Variants in UBE2K observed in about 807,000 individuals in gnomAD.
The protein encoded by UBE2K is ubiquitin-conjugating enzyme E2 K.
In UBE2K, 6 loss-of-function variants were observed where a neutral mutation model predicts 30.0. That is an observed-to-expected ratio of 0.20 (90% confidence interval 0.11 to 0.39). The LOEUF (loss-of-function observed/expected upper bound fraction) is 0.39, where lower values mean the gene tolerates loss of function less well. Ranked by LOEUF, UBE2K falls within the 10% of genes least tolerant of loss-of-function variation. The probability of loss-of-function intolerance (pLI) is 1.00; values close to 1 mark genes in which losing one functional copy is unlikely to be tolerated. For synonymous variants in UBE2K, 86 were observed against 83.7 expected (o/e 1.03, Z -0.15); for missense variants, 61 against 241.6 (o/e 0.25, Z 4.96).
chr4:39,773,224 T>C (rs527940456), intron 4 of UBE2K, among the ~76,000 whole-genome samples: 157 of 147,356 alleles, frequency 1.1e-3, no homozygotes, highest in African/African-American at 3.1e-3. Context: ...AATCCCAGCA[T>C]TTTGGGAGGC....
intron 1 of UBE2K, among the ~76,000 whole-genome samples, chr4:39,720,753 T>G (rs1415760599): frequency 6.6e-6 from 1 of 152,214 alleles, no homozygotes; most frequent in African/African-American, 2.4e-5. Flanking sequence ...TATATGTTTT[T>G]ATTTATTAGA....
intron 2 of UBE2K, among the ~76,000 whole-genome samples, chr4:39,742,862 A>G (rs1256134204): frequency 2.0e-5 from 3 of 152,172 alleles, no homozygotes; most frequent in Non-Finnish European, 4.4e-5. Flanking sequence ...CCTGACCAAC[A>G]TGGTGAAACC....
chr4:39,768,157 G>A (rs148937776), intron 4 of UBE2K, among the ~76,000 whole-genome samples: 7 of 151,894 alleles, frequency 4.6e-5, no homozygotes, highest in Non-Finnish European at 8.8e-5. Flanking sequence ...CTAGAAAGAC[G>A]GGCCATTGCG....
rs112944638 is a variant in UBE2K at position 39,773,676 on chromosome 4, C to G, written c.300-1158C>G. Among the ~76,000 whole-genome samples, 1,109 of 151,622 alleles carry G rather than the reference C, an allele frequency of 7.3e-3. 16 individuals carry two copies. Among genetic ancestry groups the G allele is most frequent in the African/African-American group, 0.025 (1,041 of 41,304 alleles). On this transcript the variant is annotated intron_variant, in intron 4 of 6. Transcript: ENST00000261427. ...GTGGCTCACGCCTGTAATCCCAGCA[C>G]TTTGGGAGGCCGAGGCGGGCGGATC...
intron 4 of UBE2K, among the ~76,000 whole-genome samples, chr4:39,758,656 C>T (rs527714624): frequency 3.8e-4 from 58 of 151,004 alleles, no homozygotes; most frequent in Non-Finnish European, 6.8e-4. Context: ...CTAGCCTGGG[C>T]GACGGAGTGA....
intron 1 of UBE2K, among the ~76,000 whole-genome samples, chr4:39,735,086 A>G (rs1303260274): frequency 6.6e-6 from 1 of 152,266 alleles, no homozygotes; most frequent in Non-Finnish European, 1.5e-5. Flanking sequence ...TATTCCTGTA[A>G]GAAGCCTTAA....
intron 3 of UBE2K, among the ~76,000 whole-genome samples, chr4:39,746,119 CAT>C (rs1370377834): frequency 6.6e-6 from 1 of 152,006 alleles, no homozygotes; most frequent in Non-Finnish European, 1.5e-5. Flanking sequence ...CCCTTTTACA[CAT>C]AGACAGAGGT....
At chr4:39,769,392 C>T (rs1282943865) in intron 4 of UBE2K, among the ~76,000 whole-genome samples, 3 of 151,280 alleles carry the variant, frequency 2.0e-5, no homozygotes, top group Admixed American at 1.3e-4. Flanking sequence ...TTCTAAGTGC[C>T]TTACCCCCCC....
At chr4:39,705,049 GTTT>G (rs577446193) in intron 1 of UBE2K, among the ~76,000 whole-genome samples, 2 of 146,834 alleles carry the variant, frequency 1.4e-5, no homozygotes, top group Non-Finnish European at 3.0e-5. Flanking sequence ...GTTTTTTTTT[GTTT>G]TTTTTTGTTT....
chr4:39,736,486 T>A (rs750490235), intron 1 of UBE2K, among the ~76,000 whole-genome samples: 1 of 152,174 alleles, frequency 6.6e-6, no homozygotes, highest in Non-Finnish European at 1.5e-5. Context: ...TGTAACCTGT[T>A]CTTTAGGGAT....
At chr4:39,726,774 T>G in intron 1 of UBE2K, among the ~76,000 whole-genome samples, 1 of 152,118 alleles carries the variant, frequency 6.6e-6, no homozygotes, top group Non-Finnish European at 1.5e-5. Context: ...TTTTTGTGTT[T>G]TTAGTAGAGA....
intron 4 of UBE2K, chr4:39,770,193 C>T (rs1437155833): frequency 1.9e-6 from 3 of 1,609,468 alleles, no homozygotes; most frequent in Admixed American, 1.7e-5. Flanking sequence ...GTGGGCGAAG[C>T]GCATGTCGCA....
At chr4:39,765,378 G>C (rs1378428171) in intron 4 of UBE2K, among the ~76,000 whole-genome samples, 1 of 151,714 alleles carries the variant, frequency 6.6e-6, no homozygotes, top group Non-Finnish European at 1.5e-5. Flanking sequence ...ACAAAAATTA[G>C]CCAGGCATGG....
intron 4 of UBE2K, among the ~76,000 whole-genome samples, chr4:39,764,888 A>AT (rs1275576295): frequency 1.8e-5 from 1 of 55,156 alleles, no homozygotes; most frequent in East Asian, 8.1e-4. Context: ...AGAACTTATT[A>AT]ATTTTTTTTT....
intron 4 of UBE2K, among the ~76,000 whole-genome samples, chr4:39,757,068 C>G (rs1429535144): frequency 7.0e-6 from 1 of 142,188 alleles, no homozygotes; most frequent in Non-Finnish European, 1.5e-5. Context: ...TCTTGTCACC[C>G]AGGCTGGAGT....
At chr4:39,761,214 A>G (rs900891887) in intron 4 of UBE2K, 2 of 152,242 alleles carry the variant, frequency 1.3e-5, no homozygotes, top group African/African-American at 4.8e-5. Context: ...AGCAGGTCAA[A>G]ACTCCTGTGC....
At chr4:39,711,045 T>C (rs1421823730) in intron 1 of UBE2K, among the ~76,000 whole-genome samples, 2 of 152,024 alleles carry the variant, frequency 1.3e-5, no homozygotes, top group Non-Finnish European at 2.9e-5. Context: ...TTTTTGTTTT[T>C]ACTGTTAATA....
chr4:39,706,559 A>C (rs1170552089), intron 1 of UBE2K, among the ~76,000 whole-genome samples: 1 of 137,154 alleles, frequency 7.3e-6, no homozygotes, highest in Admixed American at 7.6e-5. Context: ...TGCAGCCACC[A>C]CCTCCCAGGT....
intron 1 of UBE2K, among the ~76,000 whole-genome samples, chr4:39,726,855 C>T (rs1719780535): frequency 6.6e-6 from 1 of 152,092 alleles, no homozygotes; most frequent in Admixed American, 6.6e-5. Flanking sequence ...CCTCAGCCTC[C>T]CAAAGTGTTA....
Sources: allele counts gnomAD v4.1 joint callset (sites outside exome capture counted in the v4.1 genomes callset), GRCh38; gene constraint gnomAD v4.1.1; transcripts MANE v1.5; gene names NCBI Gene and HGNC (gene_info 2026-07-23, HGNC 2026-07-21).